ABCG4: variants seen among roughly 807,000 people sequenced by gnomAD.
ABCG4 encodes ATP binding cassette subfamily G member 4.
In ABCG4, 35 loss-of-function variants were observed where a neutral mutation model predicts 64.6. The ratio of observed to expected loss-of-function variants is 0.54; its 90% CI spans 0.41 to 0.72. ABCG4 has a LOEUF of 0.72. ABCG4 is among the 30% of genes least tolerant of loss of function. ABCG4 has a pLI of 0.00. For synonymous variants in ABCG4, 326 were observed against 348.2 expected (o/e 0.94, Z 0.71); for missense variants, 610 against 846.3 (o/e 0.72, Z 3.46).
rs1948271157 is a variant in ABCG4 at position 119,156,755 on chromosome 11, C to A, written c.925+77C>A. ...GGGGTCTCTGGTCTTGCACTCAGGC[C>A]TCCTAGGGGTAGAGATCTCACCGTC... is the stretch of plus-strand genomic sequence containing the variant. On this transcript the variant is annotated intron_variant, in intron 8 of 14. Transcript: ENST00000619701. This position sits in a 1 kb window ranked among gnomAD's most constrained non-coding sequence, Gnocchi z 5.5. 3 of 1,592,380 alleles carry A rather than the reference C, an allele frequency of 1.9e-6. No individual in the cohort carries two copies. Among genetic ancestry groups the A allele is most frequent in the Non-Finnish European group, 2.6e-6 (3 of 1,161,326 alleles).
chr11:119,154,509 A>G lies in ABCG4; in HGVS notation c.490-16A>G, dbSNP rs768099906. 2 of 1,613,950 alleles carry G rather than the reference A, an allele frequency of 1.2e-6. No homozygotes were observed. Among genetic ancestry groups the G allele is most frequent in the Non-Finnish European group, 1.7e-6 (2 of 1,179,998 alleles). Reference sequence around the variant, plus strand: ...CCTCCCACACATACTTTTCTTGCTTACTCTCTGGGCCCCAGGTCTCTGCTA... The same window carrying G: ...CCTCCCACACATACTTTTCTTGCTTGCTCTCTGGGCCCCAGGTCTCTGCTA... On this transcript the variant is annotated splice_polypyrimidine_tract_variant and intron_variant, in intron 4 of 14. Coordinates refer to ENST00000619701, the MANE Select transcript of ABCG4 (RefSeq NM_022169.5). This position sits in a 1 kb window ranked among gnomAD's most constrained non-coding sequence, Gnocchi z 7.0.
Position 119,150,177 on chromosome 11 carries a change from G to A in ABCG4, c.212G>A (p.Arg71Gln). 1 of 1,614,042 alleles carries A rather than the reference G, an allele frequency of 6.2e-7. No homozygotes were observed. Among genetic ancestry groups the A allele is most frequent in the Non-Finnish European group, 8.5e-7 (1 of 1,179,928 alleles). The change falls in exon 2 of 15, where the codon CGG (arginine) becomes CAG (glutamine). Residue 71 changes from arginine (R) to glutamine (Q), a missense_variant. Arg to Gln is a conservative substitution (Grantham distance 43). Coordinates refer to ENST00000619701, the MANE Select transcript of ABCG4 (RefSeq NM_022169.5). This position sits in a 1 kb window ranked among gnomAD's most constrained non-coding sequence, Gnocchi z 4.3. ...IEFVELSYSV[R>Q]EGPCWRKRGY... Reference sequence around the variant, plus strand: ...TTCGTGGAGCTGTCCTATTCCGTGCGGGAGGGGCCCTGCTGGCGCAAAAGG... The same window carrying A: ...TTCGTGGAGCTGTCCTATTCCGTGCAGGAGGGGCCCTGCTGGCGCAAAAGG...
Position 119,154,707 on chromosome 11 carries a change from G to A in ABCG4, c.541-63G>A. ...CTTAAGGGAGATGCTTTTTGAAGCT[G>A]GGGTGGTGCCTGGGGGAAGCAGAGA... On this transcript the variant is annotated intron_variant, in intron 5 of 14. Coordinates refer to ENST00000619701, the MANE Select transcript of ABCG4 (RefSeq NM_022169.5). This position sits in a 1 kb window ranked among gnomAD's most constrained non-coding sequence, Gnocchi z 7.0. 1 of 1,587,170 alleles carries A rather than the reference G, an allele frequency of 6.3e-7. No individual in the cohort carries two copies. Among genetic ancestry groups the A allele is most frequent in the Non-Finnish European group, 8.6e-7 (1 of 1,163,796 alleles).
At position 119,150,157 on chromosome 11, in the gene ABCG4, G is replaced by A. The variant is rs1948176207; in HGVS notation, c.192G>A (p.Val64=). The A allele has an allele frequency of 1.2e-5, 19 of 1,614,184 alleles. No individual in the cohort carries two copies. Among genetic ancestry groups the A allele is most frequent in the Non-Finnish European group, 1.6e-5 (19 of 1,180,022 alleles). The change falls in exon 2 of 15, where the codon GTG becomes GTA. Residue 64 remains valine, a synonymous_variant. Transcript: ENST00000619701. This position sits in a 1 kb window ranked among gnomAD's most constrained non-coding sequence, Gnocchi z 4.3. ...PKRSAVDIEF[V]ELSYSVREGP... is the part of the protein sequence containing the mutation. The stretch of plus-strand genomic sequence containing the variant: ...GCTCAGCCGTGGACATCGAGTTCGT[G>A]GAGCTGTCCTATTCCGTGCGGGAGG...
Position 119,149,891 on chromosome 11 carries a change from G to T in ABCG4, c.-12-63G>T. ...GTGGGGGCGGGGGAAGCATTAGAAC[G>T]CCAGGGAGCTTTGAGCCGGGCTCGG... On this transcript the variant is annotated intron_variant, in intron 1 of 14. Transcript: ENST00000619701. The surrounding 1 kb of genome is among the most constrained non-coding windows in gnomAD (Gnocchi z 8.3). 1.3e-6 allele frequency: 2 copies of T among 1,534,930 alleles called. No homozygotes were observed. Among genetic ancestry groups the T allele is most frequent in the Non-Finnish European group, 8.7e-7 (1 of 1,146,514 alleles).
chr11:119,151,361 C>G (rs539784517), intron 2 of ABCG4, among the ~76,000 whole-genome samples: 2 of 152,186 alleles, frequency 1.3e-5, no homozygotes, highest in Non-Finnish European at 2.9e-5. Context: ...ACCTTGCCAG[C>G]CTCATTCTGC....
rs1301392026 is a variant in ABCG4 at position 119,154,989 on chromosome 11, T to C, written c.686+74T>C. On this transcript the variant is annotated intron_variant, in intron 6 of 14. Transcript: ENST00000619701. The surrounding 1 kb of genome is among the most constrained non-coding windows in gnomAD (Gnocchi z 7.0). ...CTGAGCCAGGGCTGGAGGCTGCATC[T>C]TCTCCATGATCCAGAGCCTCTGTTC... The C allele has an allele frequency of 6.5e-7, 1 of 1,536,714 alleles. No individual in the cohort carries two copies. Among genetic ancestry groups the C allele is most frequent in the Non-Finnish European group, 8.8e-7 (1 of 1,134,488 alleles).
rs1450824045 is a variant in ABCG4 at position 119,155,980 on chromosome 11, C to T, written c.687-349C>T. 3 of 267,460 alleles carry T rather than the reference C, an allele frequency of 1.1e-5. No homozygotes were observed. The highest frequency in any genetic ancestry group is 4.3e-5 in the South Asian group (1 of 23,026). The allele number at this position is 267,460 out of a possible 1,614,324, so 16.6% of individuals were successfully genotyped here. A position where few individuals can be genotyped will look rare whatever the true frequency, so the allele number is the denominator to read the frequency against. On this transcript the variant is annotated intron_variant, in intron 6 of 14. Coordinates refer to ENST00000619701, the MANE Select transcript of ABCG4 (RefSeq NM_022169.5). The surrounding 1 kb of genome is among the most constrained non-coding windows in gnomAD (Gnocchi z 4.5). ...ACACCTGCTACAGCTGAGCTGAATC[C>T]GCCCCCTCTTTCACCCAGTGTTGCT... is the stretch of plus-strand genomic sequence containing the variant.
intron 2 of ABCG4, chr11:119,153,081 T>C (rs1366320607): frequency 6.6e-6 from 1 of 152,422 alleles, no homozygotes; most frequent in Non-Finnish European, 1.5e-5. Flanking sequence ...GAATTAATAG[T>C]AAAATGTCAC....
rs1223206380 is a variant in ABCG4 at position 119,158,461 on chromosome 11, G to A, written c.1168-96G>A. ...TGCAATGTGCCTGTGGGGTCTCTGT[G>A]CCTGTGAGGGCAGCTCCGAGTTCCT... On this transcript the variant is annotated intron_variant, in intron 10 of 14. Transcript: ENST00000619701. This position sits in a 1 kb window ranked among gnomAD's most constrained non-coding sequence, Gnocchi z 4.5. The A allele has an allele frequency of 1.3e-6, 2 of 1,572,690 alleles. No homozygotes were observed. Among genetic ancestry groups the A allele is most frequent in the African/African-American group, 2.7e-5 (2 of 74,012 alleles).
chr11:119,159,378 T>A (rs56870658), intron 12 of ABCG4, among the ~76,000 whole-genome samples: 76,156 of 151,900 alleles, frequency 0.5, 20,421 homozygotes, highest in East Asian at 0.71. Context: ...TCCCAGCTAC[T>A]GGGGGCAATA....
chr11:119,153,819 T>C (rs1370104154), intron 2 of ABCG4: 4 of 582,234 alleles, frequency 6.9e-6, no homozygotes, highest in African/African-American at 5.5e-5. Flanking sequence ...CCTCTGGTAC[T>C]TTGATATTAG....
At position 119,161,885 on chromosome 11, in the gene ABCG4, G is replaced by A. The variant is rs1489184287; in HGVS notation, c.*779G>A. On this transcript the variant is annotated 3_prime_UTR_variant, in exon 15 of 15. Coordinates refer to ENST00000619701, the MANE Select transcript of ABCG4 (RefSeq NM_022169.5). Reference sequence around the variant, plus strand: ...GCACTTTATTCTGGGCGGGGGGTGAGTGGGGGAAGACCCAACCCTCCTTTC... The same window carrying A: ...GCACTTTATTCTGGGCGGGGGGTGAATGGGGGAAGACCCAACCCTCCTTTC... 2.6e-5 allele frequency: 4 copies of A among 153,402 alleles called. No individual in the cohort carries two copies. The highest frequency in any genetic ancestry group is 7.2e-5 in the African/African-American group (3 of 41,474). 9.5% of individuals were successfully genotyped at this position (153,402 alleles called of 1,614,324 possible). A position where few individuals can be genotyped will look rare whatever the true frequency, so the allele number is the denominator to read the frequency against.
chr11:119,151,467 C>G (rs905619988), intron 2 of ABCG4, among the ~76,000 whole-genome samples: 11 of 152,126 alleles, frequency 7.2e-5, no homozygotes, highest in African/African-American at 2.7e-4. Flanking sequence ...AATCCCTCTC[C>G]CCTTCTCCAG....
At position 119,160,270 on chromosome 11, in the gene ABCG4, C is replaced by G; in HGVS notation, c.1481C>G (p.Thr494Arg). Residue 494 changes from threonine (T) to arginine (R), a missense_variant, in exon 13 of 15, where the codon ACG becomes AGG. By Grantham distance (71) the Thr-to-Arg change is moderately conservative (BLOSUM62 -1). Transcript: ENST00000619701. The surrounding 1 kb of genome is among the most constrained non-coding windows in gnomAD (Gnocchi z 4.6). ...TACTGCAGCATTGTGTACTGGATGACGGGCCAGCCCGCTGAGACCAGCCGC... is the reference window on the plus strand; with the variant it reads ...TACTGCAGCATTGTGTACTGGATGAGGGGCCAGCCCGCTGAGACCAGCCGC... ...VVYCSIVYWM[T>R]GQPAETSRFL... The G allele has an allele frequency of 6.2e-7, 1 of 1,613,630 alleles. No homozygotes were observed. The highest frequency in any genetic ancestry group is 8.5e-7 in the Non-Finnish European group (1 of 1,179,720).
intron 12 of ABCG4, among the ~76,000 whole-genome samples, chr11:119,159,833 T>C (rs1286712955): frequency 1.3e-5 from 2 of 152,092 alleles, no homozygotes; most frequent in African/African-American, 2.4e-5. Context: ...AGTGGATGAC[T>C]GTACTTAGTA....
Position 119,158,200 on chromosome 11 carries a change from C to G in ABCG4, c.1069-34C>G. 2 of 1,534,770 alleles carry G rather than the reference C, an allele frequency of 1.3e-6. No homozygotes were observed. Among genetic ancestry groups the G allele is most frequent in the South Asian group, 1.2e-5 (1 of 81,074 alleles). ...GTGTTCTGTGGGTGAATGGGGTAGGCTCACCTGATCCCGATCCAATTTCTT... is the reference window on the plus strand; with the variant it reads ...GTGTTCTGTGGGTGAATGGGGTAGGGTCACCTGATCCCGATCCAATTTCTT... On this transcript the variant is annotated intron_variant, in intron 9 of 14. Transcript: ENST00000619701. The surrounding 1 kb of genome is among the most constrained non-coding windows in gnomAD (Gnocchi z 4.5).
At chr11:119,159,238 G>A (rs1465481709) in intron 12 of ABCG4, among the ~76,000 whole-genome samples, 4 of 152,252 alleles carry the variant, frequency 2.6e-5, no homozygotes, top group African/African-American at 9.6e-5. Context: ...TGTAATCCCA[G>A]CACTTTGGGA....
rs1461968977 is a variant in ABCG4, at chr11:119,150,450, G to A, written c.238+247G>A. 6.6e-6 allele frequency among the ~76,000 whole-genome samples: 1 copy of A among 152,208 alleles called. No individual in the cohort carries two copies. Among genetic ancestry groups the A allele is most frequent in the Non-Finnish European group, 1.5e-5 (1 of 68,024 alleles). ...TTATTGAAGCTGTATCTTCTAAAGAGATCCCGTGACCTCTGGTCCTTGAGT... is the reference window on the plus strand; with the variant it reads ...TTATTGAAGCTGTATCTTCTAAAGAAATCCCGTGACCTCTGGTCCTTGAGT... On this transcript the variant is annotated intron_variant, in intron 2 of 14. Coordinates refer to ENST00000619701, the MANE Select transcript of ABCG4 (RefSeq NM_022169.5). The surrounding 1 kb of genome is among the most constrained non-coding windows in gnomAD (Gnocchi z 4.3).
Sources: gnomAD v4.1 joint callset for allele counts (sites outside exome capture counted in the v4.1 genomes callset) on GRCh38, gnomAD v4.1.1 for gene constraint, Gnocchi (gnomAD v3.1) non-coding constraint, MANE v1.5 for transcripts, NCBI Gene and HGNC (gene_info 2026-07-23, HGNC 2026-07-21) for gene names.